Variants in MKLN1 observed in about 807,000 individuals in gnomAD.
The protein encoded by MKLN1 is muskelin 1, also known as muskelin.
A neutral mutation model predicts 99.0 loss-of-function variants in MKLN1; 18 were observed. The ratio of observed to expected loss-of-function variants is 0.18; its 90% CI spans 0.13 to 0.27. MKLN1 has a LOEUF of 0.27. Among genes scored for constraint, MKLN1 ranks in the 10% least tolerant of loss-of-function variants. The probability of loss-of-function intolerance (pLI) is 1.00; values close to 1 mark genes in which losing one functional copy is unlikely to be tolerated. For synonymous variants in MKLN1, 288 were observed against 293.2 expected, an observed-to-expected ratio of 0.98 and a Z score of 0.18; for missense variants, 621 against 875.9, an observed-to-expected ratio of 0.71 and a Z score of 3.67.
intron 1 of MKLN1, among the ~76,000 whole-genome samples, chr7:131,128,087 G>T (rs1335377341): frequency 6.6e-6 from 1 of 151,980 alleles, no homozygotes; most frequent in Non-Finnish European, 1.5e-5. Context: ...AGATCAGTTG[G>T]CTGTGGAGGA....
At chr7:131,346,616 A>C (rs1485561994) in intron 1 of MKLN1, among the ~76,000 whole-genome samples, 4 of 152,204 alleles carry the variant, frequency 2.6e-5, no homozygotes, top group Admixed American at 6.5e-5. Flanking sequence ...ACAACTTAAA[A>C]ATGTTGAGGA....
chr7:131,190,467 A>C (rs1193402356), intron 2 of MKLN1, among the ~76,000 whole-genome samples: 1 of 152,168 alleles, frequency 6.6e-6, no homozygotes, highest in Non-Finnish European at 1.5e-5. Flanking sequence ...CTGAAAAAAA[A>C]AAAAAAATCT....
At chr7:131,460,469 C>T (rs577241193) in intron 12 of MKLN1, among the ~76,000 whole-genome samples, 18 of 152,268 alleles carry the variant, frequency 1.2e-4, no homozygotes, top group African/African-American at 4.1e-4. Flanking sequence ...CTATAGAATG[C>T]GTAAGCTGAG....
At position 131,494,532 on chromosome 7, in the gene MKLN1, C is replaced by A. The variant is rs1441906624; in HGVS notation, c.*6804C>A. The A allele has an allele frequency of 9.9e-5, 15 of 152,052 alleles. No homozygotes were observed. The highest frequency in any genetic ancestry group is 1.5e-5 in the Non-Finnish European group (1 of 68,026). 9.4% of individuals were successfully genotyped at this position (152,052 alleles called of 1,614,324 possible). On this transcript the variant is annotated 3_prime_UTR_variant, in exon 18 of 18. Transcript: ENST00000352689. Reference sequence around the variant, plus strand: ...CAAAAGGTTACTTAGGAGTAGTCTTCCGTGGGGGAAGATAAATTTATTAAA... The same window carrying A: ...CAAAAGGTTACTTAGGAGTAGTCTTACGTGGGGGAAGATAAATTTATTAAA...
chr7:131,322,696 G>A (rs1438966217), intron 3 of MKLN1, among the ~76,000 whole-genome samples: 2 of 149,958 alleles, frequency 1.3e-5, no homozygotes, highest in Admixed American at 6.7e-5. Flanking sequence ...TCAGCCTCCC[G>A]AGTAGCTGGG....
intron 9 of MKLN1, among the ~76,000 whole-genome samples, chr7:131,429,530 A>G (rs144656802): frequency 2.0e-4 from 31 of 152,150 alleles, no homozygotes; most frequent in Non-Finnish European, 3.8e-4. Flanking sequence ...GACACTCACT[A>G]TCTCCCTATT....
chr7:131,411,629 G>A (rs1584713054), intron 7 of MKLN1, among the ~76,000 whole-genome samples: 1 of 151,894 alleles, frequency 6.6e-6, no homozygotes, highest in African/African-American at 2.4e-5. Context: ...CTATACAGCC[G>A]AGTGTGGTGG....
intron 8 of MKLN1, among the ~76,000 whole-genome samples, chr7:131,426,527 G>A (rs1795362742): frequency 1.3e-5 from 2 of 152,054 alleles, no homozygotes; most frequent in South Asian, 4.1e-4. Flanking sequence ...GATGATAATG[G>A]ATTGTTTTAT....
chr7:131,129,740 A>AT (rs1563224856), intron 1 of MKLN1, among the ~76,000 whole-genome samples: 1 of 152,084 alleles, frequency 6.6e-6, no homozygotes, highest in Non-Finnish European at 1.5e-5. Context: ...TACCCTGTGA[A>AT]TTTTTTAAAA....
chr7:131,438,112 A>G (rs1795726414), intron 10 of MKLN1, 115 bp downstream of exon 10: 3 of 751,482 alleles, frequency 4.0e-6, no homozygotes, highest in African/African-American at 3.5e-5. Flanking sequence ...CATGACAAAT[A>G]TCTATTGACA....
At position 131,482,184 on chromosome 7, in the gene MKLN1, CTATT is replaced by C. The variant is rs146908713; in HGVS notation, c.2086+3520_2086+3523del. Among the ~76,000 whole-genome samples the C allele has an allele frequency of 4.6e-3, 702 of 152,108 alleles. 4 individuals carry two copies. The highest frequency in any genetic ancestry group is 0.016 in the African/African-American group (656 of 41,514). On this transcript the variant is annotated intron_variant, in intron 17 of 17. Coordinates refer to ENST00000352689, the MANE Select transcript of MKLN1 (RefSeq NM_013255.5). The stretch of plus-strand genomic sequence containing the variant: ...AAATCTGGTCTGTAAAGCATGTTGC[CTATT>C]TATTTATTTATTCATTCATTCATTC...
chr7:131,277,902 A>G (rs1797997397), intron 3 of MKLN1, among the ~76,000 whole-genome samples: 1 of 152,182 alleles, frequency 6.6e-6, no homozygotes, highest in Admixed American at 6.5e-5. Flanking sequence ...CCTTTTATAT[A>G]TCAACAAAAG....
intron 1 of MKLN1, among the ~76,000 whole-genome samples, chr7:131,360,695 G>T (rs1800003828): frequency 6.6e-6 from 1 of 152,046 alleles, no homozygotes; most frequent in African/African-American, 2.4e-5. Flanking sequence ...ATCAGTTTAA[G>T]AGTAAAAAAT....
intron 2 of MKLN1, among the ~76,000 whole-genome samples, chr7:131,161,988 T>G (rs56394317): frequency 9.2e-5 from 8 of 87,128 alleles, no homozygotes; most frequent in East Asian, 3.6e-4. Context: ...TATATATATA[T>G]ATATATATAT....
At chr7:131,130,365 C>T (rs946618074) in intron 1 of MKLN1, among the ~76,000 whole-genome samples, 5 of 152,200 alleles carry the variant, frequency 3.3e-5, no homozygotes, top group East Asian at 3.8e-4. Context: ...TTGGTATCAA[C>T]GAGAGCCAAC....
chr7:131,349,932 A>G (rs1252396162), intron 1 of MKLN1, among the ~76,000 whole-genome samples: 5 of 152,090 alleles, frequency 3.3e-5, no homozygotes, highest in African/African-American at 1.2e-4. Context: ...ATGTGTTCCC[A>G]AAGTGTTTTG....
At chr7:131,474,587 A>G (rs1371118042) in intron 16 of MKLN1, among the ~76,000 whole-genome samples, 1 of 152,228 alleles carries the variant, frequency 6.6e-6, no homozygotes, top group African/African-American at 2.4e-5. Context: ...TAGAGCCAAT[A>G]CAATTTATTT....
chr7:131,389,725 A>C (rs868113777), intron 4 of MKLN1, among the ~76,000 whole-genome samples: 11 of 151,994 alleles, frequency 7.2e-5, no homozygotes, highest in African/African-American at 2.7e-4. Context: ...CTCTACTAAA[A>C]ATACAAAAAA....
intron 1 of MKLN1, among the ~76,000 whole-genome samples, chr7:131,345,053 G>A (rs913886444): frequency 4.1e-4 from 62 of 152,242 alleles, no homozygotes; most frequent in African/African-American, 1.2e-3. Context: ...CGATCCACCC[G>A]CCTTGGCCTC....
Sources: gnomAD v4.1 joint callset for allele counts (sites outside exome capture counted in the v4.1 genomes callset) on GRCh38, gnomAD v4.1.1 for gene constraint, MANE v1.5 for transcripts, NCBI Gene and HGNC (gene_info 2026-07-23, HGNC 2026-07-21) for gene names.